FOXO3: variants seen among roughly 807,000 people sequenced by gnomAD.
FOXO3 encodes the protein forkhead box O3.
A neutral mutation model predicts 41.9 loss-of-function variants in FOXO3; 4 were observed. That is an observed-to-expected ratio of 0.10 (90% confidence interval 0.05 to 0.22). The LOEUF is 0.22. FOXO3 is among the 10% of genes least tolerant of loss of function. The pLI is 1.00. For missense variants in FOXO3, 534 were observed against 906.8 expected (o/e 0.59, Z 5.28); for synonymous variants, 318 against 389.3 (o/e 0.82, Z 2.16).
intron 1 of FOXO3, among the ~76,000 whole-genome samples, chr6:108,662,002 ATAT>A (rs1778880355): frequency 6.6e-6 from 1 of 152,172 alleles, no homozygotes; most frequent in Non-Finnish European, 1.5e-5. Context: ...CAATATGGAT[ATAT>A]TATTATTAAC....
chr6:108,578,779 G>T (rs1776329077), intron 1 of FOXO3, among the ~76,000 whole-genome samples: 1 of 152,220 alleles, frequency 6.6e-6, no homozygotes, highest in Admixed American at 6.5e-5. Context: ...AATGTGCTGG[G>T]TGTAATCAGT....
chr6:108,659,678 G>A (rs1778788439), intron 1 of FOXO3, among the ~76,000 whole-genome samples: 1 of 152,292 alleles, frequency 6.6e-6, no homozygotes, highest in African/African-American at 2.4e-5. Context: ...TGGGTGGGCA[G>A]TCTCCATTGT....
chr6:108,621,280 T>C (rs537701500), intron 1 of FOXO3, among the ~76,000 whole-genome samples: 1 of 152,264 alleles, frequency 6.6e-6, no homozygotes, highest in East Asian at 1.9e-4. Flanking sequence ...GCTGTAGTCA[T>C]TGGGGTGACT....
At chr6:108,614,850 T>G (rs923699072) in intron 1 of FOXO3, among the ~76,000 whole-genome samples, 1 of 152,146 alleles carries the variant, frequency 6.6e-6, no homozygotes, top group African/African-American at 2.4e-5. Context: ...TTCCCCCTTT[T>G]CTTGCCTTCT....
At chr6:108,641,353 A>G (rs910782706) in intron 1 of FOXO3, among the ~76,000 whole-genome samples, 6 of 152,200 alleles carry the variant, frequency 3.9e-5, no homozygotes, top group Non-Finnish European at 5.9e-5. Context: ...TGCTTTTGAA[A>G]GAAATCAATT....
intron 1 of FOXO3, among the ~76,000 whole-genome samples, chr6:108,642,182 A>G (rs1296399846): frequency 6.7e-6 from 1 of 148,434 alleles, no homozygotes; most frequent in African/African-American, 2.5e-5. Context: ...TCCCGTTCCC[A>G]GGCTCAAGCA....
intron 1 of FOXO3, among the ~76,000 whole-genome samples, chr6:108,646,815 A>G (rs1778403984): frequency 6.6e-6 from 1 of 152,228 alleles, no homozygotes; most frequent in Admixed American, 6.5e-5. Flanking sequence ...CAGAAGAGAA[A>G]ATAAAGGGAG....
chr6:108,590,394 A>G (rs916242646), intron 1 of FOXO3, among the ~76,000 whole-genome samples: 1 of 152,212 alleles, frequency 6.6e-6, no homozygotes, highest in Non-Finnish European at 1.5e-5. Flanking sequence ...ACATGACACT[A>G]CAAGTGGGAA....
intron 1 of FOXO3, among the ~76,000 whole-genome samples, chr6:108,582,743 C>T (rs955407864): frequency 1.3e-5 from 2 of 151,866 alleles, no homozygotes; most frequent in African/African-American, 4.8e-5. Context: ...AAAGCTGACT[C>T]TGACCCAGGA....
chr6:108,634,395 C>T (rs766906767), intron 1 of FOXO3, among the ~76,000 whole-genome samples: 7 of 152,090 alleles, frequency 4.6e-5, no homozygotes, highest in Non-Finnish European at 8.8e-5. Flanking sequence ...TGGAAAGGGT[C>T]AGGGATGATG....
chr6:108,562,421 T>C (rs1222082729), intron 1 of FOXO3, among the ~76,000 whole-genome samples: 1 of 152,064 alleles, frequency 6.6e-6, no homozygotes, highest in Non-Finnish European at 1.5e-5. Flanking sequence ...ACGGCTTCCT[T>C]TCCTTGCCTA....
upstream of FOXO3, chr6:108,560,810 C>T: frequency 4.8e-6 from 2 of 418,744 alleles, no homozygotes; most frequent in Non-Finnish European, 7.7e-6. Flanking sequence ...CTCCCCGCCC[C>T]GCCGCCTAGC....
chr6:108,606,300 T>G (rs1777198863), intron 1 of FOXO3, among the ~76,000 whole-genome samples: 1 of 152,198 alleles, frequency 6.6e-6, no homozygotes, highest in South Asian at 2.1e-4. Context: ...AGTTCCACAG[T>G]ATATCAGCCC....
At chr6:108,629,715 A>G (rs867218086) in intron 1 of FOXO3, among the ~76,000 whole-genome samples, 2 of 151,578 alleles carry the variant, frequency 1.3e-5, no homozygotes, top group Admixed American at 6.6e-5. Flanking sequence ...AAAGGTATCT[A>G]CTTTGTATGT....
At chr6:108,623,351 G>A (rs1777726278) in intron 1 of FOXO3, among the ~76,000 whole-genome samples, 1 of 152,170 alleles carries the variant, frequency 6.6e-6, no homozygotes, top group Admixed American at 6.5e-5. Flanking sequence ...TGGCAGATAG[G>A]TTTTACTGAA....
intron 2 of FOXO3, among the ~76,000 whole-genome samples, chr6:108,665,626 G>T (rs1779028948): frequency 6.6e-6 from 1 of 152,118 alleles, no homozygotes; most frequent in Non-Finnish European, 1.5e-5. Flanking sequence ...TCAGAGACCA[G>T]CATGGGCAAC....
chr6:108,633,749 TGTTGAGGGTAAA>T (rs1778039375), intron 1 of FOXO3, among the ~76,000 whole-genome samples: 1 of 152,018 alleles, frequency 6.6e-6, no homozygotes, highest in Admixed American at 6.6e-5. Context: ...TATAAGTGGC[TGTTGAGGGTAAA>T]GTTGAGGGGA....
chr6:108,597,313 A>G (rs1295702706), intron 1 of FOXO3, among the ~76,000 whole-genome samples: 6 of 152,308 alleles, frequency 3.9e-5, no homozygotes, highest in African/African-American at 1.4e-4. Context: ...CTCTGTCCCC[A>G]TTAAATCCAG....
intron 1 of FOXO3, among the ~76,000 whole-genome samples, chr6:108,643,925 G>A (rs1245060685): frequency 3.3e-5 from 5 of 152,212 alleles, no homozygotes; most frequent in Non-Finnish European, 5.9e-5. Context: ...ATTCTAGAAT[G>A]TACCATCCCC....
Sources: gnomAD v4.1 joint callset for allele counts (sites outside exome capture counted in the v4.1 genomes callset) on GRCh38, gnomAD v4.1.1 for gene constraint, MANE v1.5 for transcripts, NCBI Gene and HGNC (gene_info 2026-07-23, HGNC 2026-07-21) for gene names.